Variants in ACER3 observed in about 807,000 individuals in gnomAD.
ACER3 encodes alkaline ceramidase 3.
In ACER3, 16 loss-of-function variants were observed where a neutral mutation model predicts 48.9. The observed-to-expected ratio is 0.33, with a 90% CI of 0.22 to 0.50. The LOEUF is 0.50. Ranked by LOEUF, ACER3 falls within the 20% of genes least tolerant of loss-of-function variation. The pLI, the probability that ACER3 is intolerant of heterozygous loss-of-function variation, is 0.98. For synonymous variants in ACER3, 109 were observed against 107.8 expected (o/e 1.01, Z -0.07); for missense variants, 227 against 326.0 (o/e 0.70, Z 2.34).
At chr11:76,885,921 G>C (rs1945660309) in intron 1 of ACER3, among the ~76,000 whole-genome samples, 1 of 152,186 alleles carries the variant, frequency 6.6e-6, no homozygotes, top group African/African-American at 2.4e-5. Flanking sequence ...TCATAGCACT[G>C]TTCTAGGTAC....
At chr11:76,954,480 A>G (rs1387167356) in intron 2 of ACER3, among the ~76,000 whole-genome samples, 2 of 152,016 alleles carry the variant, frequency 1.3e-5, no homozygotes, top group African/African-American at 4.8e-5. Flanking sequence ...TTACTTCCTC[A>G]GACAGCCCTC....
At chr11:76,918,913 T>G (rs1402089881) in intron 1 of ACER3, among the ~76,000 whole-genome samples, 1 of 152,208 alleles carries the variant, frequency 6.6e-6, no homozygotes, top group Non-Finnish European at 1.5e-5. Context: ...CTCTGAAGTC[T>G]CTGAAGCTCT....
chr11:76,919,133 C>G (rs1946617626), intron 1 of ACER3, among the ~76,000 whole-genome samples: 2 of 152,120 alleles, frequency 1.3e-5, no homozygotes, highest in African/African-American at 4.8e-5. Context: ...TTTAATGCTT[C>G]TATTTATTTA....
In ACER3 at chr11:77,020,622, G is replaced by T; in HGVS notation, c.*295G>T. On this transcript the variant is annotated 3_prime_UTR_variant, in exon 11 of 11. Coordinates refer to ENST00000532485, the MANE Select transcript of ACER3 (RefSeq NM_018367.7). ...GAAACAGTTGGGCTTTTCTTAACAG[G>T]TTAACAGTTTGTGCTGGTTATAAGA... 1 of 311,576 alleles carries T rather than the reference G, an allele frequency of 3.2e-6. No individual in the cohort carries two copies. 19.3% of individuals were successfully genotyped at this position (311,576 alleles called of 1,614,324 possible). A position where few individuals can be genotyped will look rare whatever the true frequency, so the allele number is the denominator to read the frequency against.
chr11:76,917,176 G>A (rs572885500), intron 1 of ACER3, among the ~76,000 whole-genome samples: 5 of 152,208 alleles, frequency 3.3e-5, no homozygotes, highest in South Asian at 4.1e-4. Context: ...AAAAGGCCCC[G>A]ACTTCTGGAT....
In ACER3 at chr11:76,933,240, CTTT is replaced by C. The variant is rs34058460; in HGVS notation, c.214+6586_214+6588del. 5.5e-3 allele frequency among the ~76,000 whole-genome samples: 717 copies of C among 130,396 alleles called. 10 individuals are homozygous for C. In the East Asian group the frequency reaches 0.057, roughly 10 times the overall value. 85.5% of individuals were successfully genotyped at this position (130,396 alleles called of 152,430 possible). A position where few individuals can be genotyped will look rare whatever the true frequency, so the allele number is the denominator to read the frequency against. On this transcript the variant is annotated intron_variant, in intron 2 of 10. Transcript: ENST00000532485. ...AAGTGGGCAGTCTTGAATTAGAAAT[CTTT>C]TTTTTTTTTTTTAGCACATACTTAT...
At chr11:76,868,535 A>G (rs546211581) in intron 1 of ACER3, among the ~76,000 whole-genome samples, 1 of 151,966 alleles carries the variant, frequency 6.6e-6, no homozygotes, top group African/African-American at 2.4e-5. Context: ...AGGAAACAGA[A>G]TCTCCATCTC....
chr11:77,011,367 T>C (rs782556830), intron 7 of ACER3: 16 of 985,332 alleles, frequency 1.6e-5, no homozygotes, highest in Non-Finnish European at 1.8e-5. Context: ...GAGCTGAAGA[T>C]TGGCCATGGT....
intron 1 of ACER3, among the ~76,000 whole-genome samples, chr11:76,865,783 A>C (rs1456901574): frequency 6.6e-6 from 1 of 150,632 alleles, no homozygotes; most frequent in Non-Finnish European, 1.5e-5. Context: ...TGCTGGGATT[A>C]CAGGTGTGAG....
At chr11:77,015,278 C>G (rs994037441) in intron 8 of ACER3, 161 bp downstream of exon 8, 20 of 515,430 alleles carry the variant, frequency 3.9e-5, no homozygotes, top group African/African-American at 2.8e-4. Flanking sequence ...TATTAGAATA[C>G]CTGTTTAAAT....
intron 1 of ACER3, among the ~76,000 whole-genome samples, chr11:76,918,348 T>A (rs1419284700): frequency 6.6e-6 from 1 of 152,062 alleles, no homozygotes; most frequent in Non-Finnish European, 1.5e-5. Context: ...ATGGTTATTA[T>A]TATTATTTTT....
chr11:76,992,900 G>T (rs946138796), intron 6 of ACER3, among the ~76,000 whole-genome samples: 2 of 149,464 alleles, frequency 1.3e-5, no homozygotes, highest in African/African-American at 2.5e-5. Flanking sequence ...ATAGAGCCTC[G>T]CCCTGTCACC....
chr11:76,969,659 G>A (rs1283976128), intron 3 of ACER3, among the ~76,000 whole-genome samples: 4 of 151,694 alleles, frequency 2.6e-5, no homozygotes, highest in Non-Finnish European at 4.4e-5. Flanking sequence ...CATGGATGAA[G>A]CTGGAAACCA....
intron 2 of ACER3, among the ~76,000 whole-genome samples, chr11:76,956,131 G>A (rs1947833365): frequency 1.3e-5 from 2 of 152,124 alleles, no homozygotes; most frequent in African/African-American, 2.4e-5. Context: ...TTGAGGTGAT[G>A]TTTGCACACC....
intron 1 of ACER3, among the ~76,000 whole-genome samples, chr11:76,896,225 C>A (rs1945924607): frequency 6.6e-6 from 1 of 152,154 alleles, no homozygotes; most frequent in Admixed American, 6.5e-5. Context: ...TGTTCAAATT[C>A]TTGAAACATC....
In ACER3 at chr11:76,900,117, C is replaced by T. The variant is rs141406468; in HGVS notation, c.104-26440C>T. On this transcript the variant is annotated intron_variant, in intron 1 of 10. Coordinates refer to ENST00000532485, the MANE Select transcript of ACER3 (RefSeq NM_018367.7). ...GCCAAGGTGGGAAGATTGCTTGAGGCCAAGAGTTCAAGACCAGCCTGGGCA... is the reference window on the plus strand; with the variant it reads ...GCCAAGGTGGGAAGATTGCTTGAGGTCAAGAGTTCAAGACCAGCCTGGGCA... Among the ~76,000 whole-genome samples the T allele has an allele frequency of 1.4e-3, 212 of 152,260 alleles. 1 individual carries two copies. The highest frequency in any genetic ancestry group is 4.7e-3 in the African/African-American group (196 of 41,546).
At chr11:76,886,465 T>C (rs892029661) in intron 1 of ACER3, among the ~76,000 whole-genome samples, 1 of 152,222 alleles carries the variant, frequency 6.6e-6, no homozygotes, top group African/African-American at 2.4e-5. Flanking sequence ...AGAAATACCA[T>C]TGACAGTATA....
intron 1 of ACER3, among the ~76,000 whole-genome samples, chr11:76,903,305 T>C (rs914703610): frequency 6.6e-6 from 1 of 152,166 alleles, no homozygotes; most frequent in African/African-American, 2.4e-5. Context: ...CCTTCAAATA[T>C]TGTCTCTTCA....
intron 1 of ACER3, among the ~76,000 whole-genome samples, chr11:76,882,907 A>G (rs745508710): frequency 5.3e-5 from 8 of 152,200 alleles, no homozygotes; most frequent in Non-Finnish European, 5.9e-5. Context: ...TGGTTCAATC[A>G]GAGACATGGG....
Sources: allele counts gnomAD v4.1 joint callset (sites outside exome capture counted in the v4.1 genomes callset), GRCh38; gene constraint gnomAD v4.1.1; transcripts MANE v1.5; gene names NCBI Gene and HGNC (gene_info 2026-07-23, HGNC 2026-07-21).